Variants in PAX2 observed in about 807,000 individuals in gnomAD.
PAX2 encodes paired box protein Pax-2.
In PAX2, 9 loss-of-function variants were observed where a neutral mutation model predicts 41.7. The observed-to-expected ratio is 0.22, with a 90% confidence interval of 0.13 to 0.38. PAX2 has a LOEUF of 0.38. PAX2 is among the 10% of genes least tolerant of loss of function. The pLI is 1.00. For missense variants in PAX2, 418 were observed against 531.6 expected (o/e 0.79, Z 2.10); for synonymous variants, 221 against 212.7 (o/e 1.04, Z -0.34).
chr10:100,759,238 G>T (rs1466049200), intron 3 of PAX2, among the ~76,000 whole-genome samples: 2 of 152,210 alleles, frequency 1.3e-5, no homozygotes, highest in Admixed American at 6.5e-5. Flanking sequence ...GAGGGGCCCA[G>T]AGGTGATGAA....
At chr10:100,806,013 C>T (rs1184749561) in intron 5 of PAX2, among the ~76,000 whole-genome samples, 5 of 152,206 alleles carry the variant, frequency 3.3e-5, no homozygotes, top group South Asian at 2.1e-4. Flanking sequence ...ATCTCGGAGC[C>T]GAGTTCAATT....
At chr10:100,814,351 C>CGAA (rs753999760) in intron 7 of PAX2, among the ~76,000 whole-genome samples, 2 of 53,728 alleles carry the variant, frequency 3.7e-5, no homozygotes, top group African/African-American at 8.9e-5. Context: ...GACTCCATCT[C>CGAA]AAAAAAAAAA....
chr10:100,818,597 A>G (rs1848268886), intron 7 of PAX2, among the ~76,000 whole-genome samples: 1 of 152,244 alleles, frequency 6.6e-6, no homozygotes, highest in Non-Finnish European at 1.5e-5. Flanking sequence ...CAATGTCCAT[A>G]ACATTTTATG....
At chr10:100,786,530 C>T (rs185065077) in intron 5 of PAX2, among the ~76,000 whole-genome samples, 36 of 152,258 alleles carry the variant, frequency 2.4e-4, no homozygotes, top group South Asian at 1.2e-3. Flanking sequence ...TGTGTTCTAC[C>T]GCTCTGAGGT....
At chr10:100,787,247 A>C (rs1846905668) in intron 5 of PAX2, among the ~76,000 whole-genome samples, 1 of 152,036 alleles carries the variant, frequency 6.6e-6, no homozygotes, top group Non-Finnish European at 1.5e-5. Context: ...AGGGTCAGGC[A>C]CTCAGTGGAT....
At chr10:100,754,232 C>T (rs1020889674) in intron 3 of PAX2, among the ~76,000 whole-genome samples, 1 of 152,218 alleles carries the variant, frequency 6.6e-6, no homozygotes, top group African/African-American at 2.4e-5. Context: ...CCAAAATCTT[C>T]TGGTTTGGCT....
At chr10:100,817,965 T>G (rs369669532) in intron 7 of PAX2, among the ~76,000 whole-genome samples, 6 of 152,358 alleles carry the variant, frequency 3.9e-5, no homozygotes, top group African/African-American at 1.4e-4. Flanking sequence ...AATTATGCAT[T>G]TATATATTTA....
chr10:100,743,176 G>A (rs1363988246), upstream of PAX2, among the ~76,000 whole-genome samples: 1 of 152,086 alleles, frequency 6.6e-6, no homozygotes, highest in Non-Finnish European at 1.5e-5. Flanking sequence ...AGGAGCAGGG[G>A]GGACTCTCAG....
chr10:100,753,598 T>A (rs1845527083), intron 3 of PAX2, among the ~76,000 whole-genome samples: 1 of 152,168 alleles, frequency 6.6e-6, no homozygotes, highest in African/African-American at 2.4e-5. Context: ...CCTGCCCACT[T>A]GTGTTGGGTA....
chr10:100,745,134 G>T (rs1269414994), upstream of PAX2, among the ~76,000 whole-genome samples: 4 of 152,200 alleles, frequency 2.6e-5, no homozygotes, highest in African/African-American at 9.6e-5. Flanking sequence ...GGCAGGGCTG[G>T]GCGAGTTAGA....
chr10:100,744,658 C>A (rs1845084481), upstream of PAX2, among the ~76,000 whole-genome samples: 2 of 152,346 alleles, frequency 1.3e-5, no homozygotes, highest in Middle Eastern at 6.8e-3. Context: ...TCTCCCACAT[C>A]CTCTGCCGCC....
In PAX2 at chr10:100,827,145, C is replaced by T. The variant is rs530450676; in HGVS notation, c.1108+50C>T. 6.8e-7 allele frequency: 1 copy of T among 1,469,380 alleles called. No individual in the cohort carries two copies. The highest frequency in any genetic ancestry group is 9.5e-7 in the Non-Finnish European group (1 of 1,050,652). 91.0% of individuals were successfully genotyped at this position (1,469,380 alleles called of 1,614,324 possible). ...GCGGCTCAGCGCGGCCGCGCGGCTTCTGGGCACGGTCCCACTCCCGGCGAC... is the reference window on the plus strand; with the variant it reads ...GCGGCTCAGCGCGGCCGCGCGGCTTTTGGGCACGGTCCCACTCCCGGCGAC... On this transcript the variant is annotated intron_variant, in intron 9 of 9. Transcript: ENST00000355243. This position sits in a 1 kb window ranked among gnomAD's most constrained non-coding sequence, Gnocchi z 8.5.
intron 3 of PAX2, among the ~76,000 whole-genome samples, chr10:100,758,040 G>A (rs2133851876): frequency 6.6e-6 from 1 of 152,194 alleles, no homozygotes; most frequent in Middle Eastern, 3.4e-3. Context: ...CCTTTCTTTT[G>A]TTTTCTGAGA....
At chr10:100,741,786 G>A (rs1844965210), upstream of PAX2, among the ~76,000 whole-genome samples, 1 of 152,178 alleles carries the variant, frequency 6.6e-6, no homozygotes, top group African/African-American at 2.4e-5. Context: ...TCTTCCCTTC[G>A]GACTACTTTT....
chr10:100,794,890 T>C (rs1847266833), intron 5 of PAX2, among the ~76,000 whole-genome samples: 1 of 152,162 alleles, frequency 6.6e-6, no homozygotes, highest in Non-Finnish European at 1.5e-5. Flanking sequence ...CATAGGGCAT[T>C]CCATTTATCC....
At chr10:100,756,516 A>G (rs905199110) in intron 3 of PAX2, among the ~76,000 whole-genome samples, 3 of 152,218 alleles carry the variant, frequency 2.0e-5, no homozygotes, top group African/African-American at 7.2e-5. Context: ...GAGATATCCA[A>G]CACTTTGGTA....
intron 7 of PAX2, among the ~76,000 whole-genome samples, chr10:100,814,351 C>CCA (rs753999760): frequency 1.9e-5 from 1 of 53,728 alleles, no homozygotes; most frequent in Admixed American, 3.2e-4. Flanking sequence ...GACTCCATCT[C>CCA]AAAAAAAAAA....
rs113526206 is a variant in PAX2 at position 100,809,959 on chromosome 10, T to G, written c.919+723T>G. 6.5e-3 allele frequency among the ~76,000 whole-genome samples: 989 copies of G among 152,342 alleles called. 14 individuals are homozygous for G. Among genetic ancestry groups the G allele is most frequent in the African/African-American group, 0.023 (942 of 41,572 alleles). On this transcript the variant is annotated intron_variant, in intron 7 of 9. Coordinates refer to ENST00000355243, the MANE Select transcript of PAX2 (RefSeq NM_000278.5). Reference sequence around the variant, plus strand: ...GGCCGCAGAGCTCCAGGCTGTGGAATGCACGTGCCACTGCAGAAGGGTTTC... The same window carrying G: ...GGCCGCAGAGCTCCAGGCTGTGGAAGGCACGTGCCACTGCAGAAGGGTTTC...
At chr10:100,786,945 G>T in intron 5 of PAX2, 2 of 1,386,154 alleles carry the variant, frequency 1.4e-6, no homozygotes, top group Non-Finnish European at 1.9e-6. Context: ...TGCTCTAGTT[G>T]AGGTATACAC....
Sources: gnomAD v4.1 joint callset for allele counts (sites outside exome capture counted in the v4.1 genomes callset) on GRCh38, gnomAD v4.1.1 for gene constraint, Gnocchi (gnomAD v3.1) non-coding constraint, MANE v1.5 for transcripts, NCBI Gene and HGNC (gene_info 2026-07-23, HGNC 2026-07-21) for gene names.